RALB: variants seen among roughly 807,000 people sequenced by gnomAD.
The protein encoded by RALB is RAS like proto-oncogene B.
Under a neutral mutation model 21.3 loss-of-function variants are expected in RALB, and 16 were observed. The ratio of observed to expected loss-of-function variants is 0.75; its 90% CI spans 0.51 to 1.14. The LOEUF is 1.14. RALB is among the 50% of genes most tolerant of loss of function. The probability of loss-of-function intolerance (pLI) is 0.00; values close to 1 mark genes in which losing one functional copy is unlikely to be tolerated. For missense variants in RALB, 161 were observed against 256.2 expected (o/e 0.63, Z 2.54); for synonymous variants, 93 against 96.1 (o/e 0.97, Z 0.19).
chr2:120,254,582 TAGA>T (rs775520721), intron 1 of RALB, among the ~76,000 whole-genome samples: 2 of 152,156 alleles, frequency 1.3e-5, no homozygotes, highest in Non-Finnish European at 2.9e-5. Flanking sequence ...GAGATTTTGG[TAGA>T]AGATGAGGGT....
intron 1 of RALB, among the ~76,000 whole-genome samples, chr2:120,245,995 C>T (rs913852186): frequency 3.3e-5 from 5 of 152,162 alleles, no homozygotes; most frequent in East Asian, 3.9e-4. Context: ...CCTGGTGGAG[C>T]GAGGGTCTGG....
chr2:120,279,343 T>C (rs1689926497), intron 2 of RALB, among the ~76,000 whole-genome samples: 1 of 152,156 alleles, frequency 6.6e-6, no homozygotes, highest in Non-Finnish European at 1.5e-5. Context: ...CAAAAGTCCC[T>C]GCTTGAGCTG....
At chr2:120,252,775 G>T, upstream of RALB, 2 of 985,354 alleles carry the variant, frequency 2.0e-6, no homozygotes, top group Non-Finnish European at 2.4e-6. Flanking sequence ...CCGAGGAGAG[G>T]GCAAGAACGG....
chr2:120,279,782 G>C lies in RALB; in HGVS notation c.114+1004G>C, dbSNP rs1689939751. Among the ~76,000 whole-genome samples the C allele has an allele frequency of 1.3e-5, 2 of 152,292 alleles. 1 individual carries two copies. Among genetic ancestry groups the C allele is most frequent in the South Asian group, 4.1e-4 (2 of 4,822 alleles). ...GGCCACATGGCTTTATGAGATTTGC[G>C]AAAGAAAGCTATCACAACCACGTCA... On this transcript the variant is annotated intron_variant, in intron 2 of 4. Coordinates refer to ENST00000272519, the MANE Select transcript of RALB (RefSeq NM_002881.3).
intron 2 of RALB, among the ~76,000 whole-genome samples, chr2:120,282,494 A>G (rs1325562143): frequency 7.4e-6 from 1 of 135,870 alleles, no homozygotes; most frequent in Non-Finnish European, 1.5e-5. Flanking sequence ...AAAAAAGATA[A>G]CAGAGCTAGC....
chr2:120,291,293 C>T (rs769493766), intron 4 of RALB, among the ~76,000 whole-genome samples: 6 of 152,180 alleles, frequency 3.9e-5, no homozygotes, highest in South Asian at 2.1e-4. Context: ...ATGGGAAGCG[C>T]GTGTTCCGCC....
intron 2 of RALB, among the ~76,000 whole-genome samples, chr2:120,279,927 T>G (rs1689943547): frequency 6.6e-6 from 1 of 152,200 alleles, no homozygotes; most frequent in Non-Finnish European, 1.5e-5. Context: ...TGTGTTGGGC[T>G]GGGTTAGGTG....
Position 120,252,951 on chromosome 2 carries a change from G to A in RALB, c.-77G>A, listed in dbSNP as rs1020154280. On this transcript the variant is annotated 5_prime_UTR_variant, in exon 1 of 5. Coordinates refer to ENST00000272519, the MANE Select transcript of RALB (RefSeq NM_002881.3). ...CGTTTAAGAGCTGCGGGCCGGGTGC[G>A]GACGGCGGAGGCGGCGGGACTGGTC... 9.1e-6 allele frequency: 9 copies of A among 985,482 alleles called. No individual in the cohort carries two copies. The highest frequency in any genetic ancestry group is 6.2e-5 in the Admixed American group (1 of 16,228). The allele number at this position is 985,482 out of a possible 1,614,324, so 61.0% of individuals were successfully genotyped here.
chr2:120,245,124 T>C (rs1462162050), intron 1 of RALB, among the ~76,000 whole-genome samples: 1 of 152,238 alleles, frequency 6.6e-6, no homozygotes, highest in Non-Finnish European at 1.5e-5. Flanking sequence ...AGGCTCAGCA[T>C]GGGCTCGTTG....
Position 120,286,033 on chromosome 2 carries a change from G to C in RALB, c.274G>C (p.Val92Leu), listed in dbSNP as rs1336013794. The change falls in exon 3 of 5, where the codon GTG becomes CTG. Residue 92 changes from valine (V) to leucine (L), a missense_variant. By Grantham distance (32) the Val-to-Leu change is conservative (BLOSUM62 1). Coordinates refer to ENST00000272519, the MANE Select transcript of RALB (RefSeq NM_002881.3). ...YFRSGEGFLL[V>L]FSITEHESFT... ...TCGGAGTGGGGAAGGGTTTCTTCTT[G>C]TGTTCTCAATCACAGAACATGAATC... 6.2e-7 allele frequency: 1 copy of C among 1,613,862 alleles called. No homozygotes were observed. Among genetic ancestry groups the C allele is most frequent in the Non-Finnish European group, 8.5e-7 (1 of 1,180,010 alleles).
chr2:120,281,918 C>T (rs574668321), intron 2 of RALB, among the ~76,000 whole-genome samples: 17 of 152,188 alleles, frequency 1.1e-4, no homozygotes, highest in South Asian at 2.1e-4. Flanking sequence ...AGGGAATATT[C>T]GTAAGTGCCT....
intron 1 of RALB, among the ~76,000 whole-genome samples, chr2:120,247,043 G>A (rs1444392132): frequency 6.6e-6 from 1 of 152,170 alleles, no homozygotes; most frequent in Non-Finnish European, 1.5e-5. Flanking sequence ...GGAGTACTTC[G>A]CAGCTGTCAC....
chr2:120,284,097 T>C (rs1314425594), intron 2 of RALB, among the ~76,000 whole-genome samples: 1 of 152,214 alleles, frequency 6.6e-6, no homozygotes, highest in Non-Finnish European at 1.5e-5. Context: ...TTTTTTGGCG[T>C]GTATTTTTCT....
intron 1 of RALB, among the ~76,000 whole-genome samples, chr2:120,272,290 G>A (rs971538626): frequency 2.6e-5 from 4 of 152,286 alleles, no homozygotes; most frequent in East Asian, 3.9e-4. Context: ...AGTGGTCCCC[G>A]CCCCACAGAT....
chr2:120,259,056 T>C (rs552430757), intron 1 of RALB, among the ~76,000 whole-genome samples: 4 of 152,102 alleles, frequency 2.6e-5, no homozygotes, highest in Non-Finnish European at 4.4e-5. Flanking sequence ...TTCCTCCCGG[T>C]GGGCTCGTGG....
chr2:120,255,426 A>G (rs1312998975), intron 1 of RALB, among the ~76,000 whole-genome samples: 1 of 152,338 alleles, frequency 6.6e-6, no homozygotes, highest in African/African-American at 2.4e-5. Flanking sequence ...GGCACAGACC[A>G]CTGATCCAAG....
chr2:120,275,675 G>A (rs1163220996), intron 1 of RALB, among the ~76,000 whole-genome samples: 1 of 152,136 alleles, frequency 6.6e-6, no homozygotes, highest in East Asian at 1.9e-4. Flanking sequence ...TAGTGGGGAT[G>A]TTTTCAGGCT....
At chr2:120,277,878 TGA>T (rs1553523563) in intron 1 of RALB, among the ~76,000 whole-genome samples, 1 of 17,826 alleles carries the variant, frequency 5.6e-5, no homozygotes, top group Non-Finnish European at 1.4e-4. Flanking sequence ...TGTGAGAACA[TGA>T]GTGTGAAAAT....
At chr2:120,265,299 C>CAGTT (rs1317112267) in intron 1 of RALB, among the ~76,000 whole-genome samples, 2 of 152,156 alleles carry the variant, frequency 1.3e-5, no homozygotes, top group Non-Finnish European at 2.9e-5. Flanking sequence ...ATACCGTGGG[C>CAGTT]AGTTGTAACA....
Sources: gnomAD v4.1 joint callset for allele counts (sites outside exome capture counted in the v4.1 genomes callset) on GRCh38, gnomAD v4.1.1 for gene constraint, MANE v1.5 for transcripts, NCBI Gene and HGNC (gene_info 2026-07-23, HGNC 2026-07-21) for gene names.